The following SGCD variants were observed in gnomAD, a reference collection of about 807,000 sequenced individuals.
SGCD encodes delta-sarcoglycan.
Under a neutral mutation model 36.6 loss-of-function variants are expected in SGCD, and 18 were observed. The ratio of observed to expected loss-of-function variants is 0.49; its 90% CI spans 0.34 to 0.73. The LOEUF (loss-of-function observed/expected upper bound fraction) is 0.73, where lower values mean the gene tolerates loss of function less well. Ranked by LOEUF, SGCD falls within the 30% of genes least tolerant of loss-of-function variation. SGCD has a pLI of 0.01. For missense variants in SGCD, 387 were observed against 346.7 expected (o/e 1.12, Z -0.92); for synonymous variants, 133 against 130.6 (o/e 1.02, Z -0.12).
At chr5:155,820,999 T>C in the SGCD span, among the ~76,000 whole-genome samples, 2 of 152,042 alleles carry the variant, frequency 1.3e-5, no homozygotes, top group African/African-American at 4.8e-5. Flanking sequence ...GGGTAGTACA[T>C]GTGAATTGCC....
intron 1 of SGCD, among the ~76,000 whole-genome samples, chr5:156,025,712 T>C (rs1464123460): frequency 6.6e-6 from 1 of 152,180 alleles, no homozygotes; most frequent in Non-Finnish European, 1.5e-5. Flanking sequence ...TTGTTAACCT[T>C]TATTATAATG....
At chr5:156,286,607 A>G (rs771216745) in intron 3 of SGCD, among the ~76,000 whole-genome samples, 39 of 152,164 alleles carry the variant, frequency 2.6e-4, no homozygotes, top group Non-Finnish European at 5.1e-4. Flanking sequence ...TCTCACTCAT[A>G]GGTGGGAATT....
chr5:156,699,953 T>G (rs1561864252), intron 7 of SGCD, among the ~76,000 whole-genome samples: 1 of 152,008 alleles, frequency 6.6e-6, no homozygotes, highest in Non-Finnish European at 1.5e-5. Flanking sequence ...AAGTGAACAG[T>G]GGGGGAAAGT....
intron 2 of SGCD, among the ~76,000 whole-genome samples, chr5:156,342,790 G>A (rs1038596287): frequency 2.0e-5 from 3 of 152,200 alleles, no homozygotes; most frequent in Non-Finnish European, 4.4e-5. Flanking sequence ...ATGGTATTTA[G>A]CTTAAACCTT....
chr5:156,393,037 C>A (rs114027505), intron 3 of SGCD, among the ~76,000 whole-genome samples: 5,236 of 152,218 alleles, frequency 0.034, 297 homozygotes, highest in African/African-American at 0.12. Context: ...TGGGCACAGG[C>A]CCAGGGTTGG....
intron 3 of SGCD, among the ~76,000 whole-genome samples, chr5:156,149,514 C>T (rs1762783380): frequency 6.6e-6 from 1 of 152,150 alleles, no homozygotes; most frequent in South Asian, 2.1e-4. Flanking sequence ...TCTTCCTTGT[C>T]TCTTGGTTCT....
chr5:156,717,724 G>C (rs72803018), intron 7 of SGCD, among the ~76,000 whole-genome samples: 12,334 of 152,150 alleles, frequency 0.081, 674 homozygotes, highest in Non-Finnish European at 0.12. Flanking sequence ...CCAGGGTCAG[G>C]TGCCAGACAA....
At chr5:155,833,850 T>C in the SGCD span, among the ~76,000 whole-genome samples, 1 of 152,360 alleles carries the variant, frequency 6.6e-6, no homozygotes, top group African/African-American at 2.4e-5. Context: ...CAGGTCAACC[T>C]ATTTGGCCTC....
chr5:156,464,609 T>C (rs1332160339), intron 3 of SGCD, among the ~76,000 whole-genome samples: 1 of 152,152 alleles, frequency 6.6e-6, no homozygotes, highest in African/African-American at 2.4e-5. Context: ...CTTCATAGTG[T>C]TCTTAGAGAC....
the SGCD span, among the ~76,000 whole-genome samples, chr5:155,795,654 A>G: frequency 6.6e-6 from 1 of 152,172 alleles, no homozygotes; most frequent in Non-Finnish European, 1.5e-5. Context: ...TAATAGTTCA[A>G]TAATCTCATA....
intron 1 of SGCD, among the ~76,000 whole-genome samples, chr5:156,029,015 A>T (rs1252199644): frequency 6.6e-6 from 1 of 150,430 alleles, no homozygotes; most frequent in Admixed American, 7.0e-5. Flanking sequence ...TTTTTCATCT[A>T]GCTTTTAGGC....
chr5:155,940,291 G>A (rs1478805200), intron 1 of SGCD, among the ~76,000 whole-genome samples: 1 of 152,116 alleles, frequency 6.6e-6, no homozygotes, highest in Non-Finnish European at 1.5e-5. Flanking sequence ...GCGTAAACCA[G>A]TGTAACCTTT....
intron 1 of SGCD, among the ~76,000 whole-genome samples, chr5:155,918,831 A>G (rs544837867): frequency 1.3e-5 from 2 of 152,260 alleles, no homozygotes; most frequent in Non-Finnish European, 2.9e-5. Flanking sequence ...CTAAATTTTC[A>G]TGTTTTATCT....
chr5:155,787,530 T>C, the SGCD span, among the ~76,000 whole-genome samples: 1 of 152,170 alleles, frequency 6.6e-6, no homozygotes, highest in Non-Finnish European at 1.5e-5. Context: ...ACTCGGCCAC[T>C]CTGCGAATGG....
At chr5:156,486,088 T>G (rs1266342297) in intron 3 of SGCD, among the ~76,000 whole-genome samples, 1 of 152,102 alleles carries the variant, frequency 6.6e-6, no homozygotes, top group Non-Finnish European at 1.5e-5. Context: ...GATGCCATTT[T>G]GAGATCCCAG....
At chr5:156,484,059 A>G (rs1253280210) in intron 3 of SGCD, among the ~76,000 whole-genome samples, 1 of 151,952 alleles carries the variant, frequency 6.6e-6, no homozygotes, top group African/African-American at 2.4e-5. Context: ...AGAGAAACAA[A>G]CTCCAGTGAA....
At chr5:156,408,544 A>G (rs180974356) in intron 3 of SGCD, among the ~76,000 whole-genome samples, 1 of 152,146 alleles carries the variant, frequency 6.6e-6, no homozygotes, top group East Asian at 1.9e-4. Flanking sequence ...TTTTTAGTAG[A>G]GACGGGATTT....
chr5:156,185,124 G>C (rs1223683610), intron 3 of SGCD, among the ~76,000 whole-genome samples: 1 of 151,814 alleles, frequency 6.6e-6, no homozygotes, highest in East Asian at 1.9e-4. Context: ...TTTGTGTTTT[G>C]GTTCTAAATG....
chr5:156,740,366 C>T (rs757581991), intron 7 of SGCD, among the ~76,000 whole-genome samples: 1 of 152,146 alleles, frequency 6.6e-6, no homozygotes, highest in African/African-American at 2.4e-5. Flanking sequence ...GAAGATTCAA[C>T]GAGTGCTAAT....
Sources: allele counts gnomAD v4.1 joint callset (sites outside exome capture counted in the v4.1 genomes callset), GRCh38; gene constraint gnomAD v4.1.1; transcripts MANE v1.5; gene names NCBI Gene and HGNC (gene_info 2026-07-23, HGNC 2026-07-21).